Variants in ADGRL4 observed in about 807,000 individuals in gnomAD.
The protein encoded by ADGRL4 is EGF, latrophilin and seven transmembrane domain containing 1.
Under a neutral mutation model 74.8 loss-of-function variants are expected in ADGRL4, and 90 were observed. That is an observed-to-expected ratio of 1.20 (90% confidence interval 1.02 to 1.43). The LOEUF is 1.43. Among genes scored for constraint, ADGRL4 ranks in the 40% most tolerant of loss-of-function variants. ADGRL4 has a pLI of 0.00. For missense variants in ADGRL4, 881 were observed against 814.3 expected, an observed-to-expected ratio of 1.08 and a Z score of -1.00; for synonymous variants, 311 against 279.2, an observed-to-expected ratio of 1.11 and a Z score of -1.14.
At chr1:78,931,731 G>A (rs1649246497) in intron 7 of ADGRL4, among the ~76,000 whole-genome samples, 1 of 151,072 alleles carries the variant, frequency 6.6e-6, no homozygotes, top group Admixed American at 6.6e-5. Context: ...AAGGGATGGA[G>A]GAAAATTAAC....
At chr1:78,952,844 AT>A (rs1040048615) in intron 2 of ADGRL4, among the ~76,000 whole-genome samples, 2 of 152,120 alleles carry the variant, frequency 1.3e-5, no homozygotes, top group Non-Finnish European at 1.5e-5. Flanking sequence ...TCATTTCAAA[AT>A]TTTTTTGAAG....
intron 2 of ADGRL4, among the ~76,000 whole-genome samples, chr1:78,971,825 C>T (rs1650175505): frequency 6.6e-6 from 1 of 152,136 alleles, no homozygotes; most frequent in African/African-American, 2.4e-5. Context: ...GGTACGATCT[C>T]AGCCCACGGC....
At chr1:78,921,468 G>T (rs1276064369) in intron 9 of ADGRL4, 145 bp downstream of exon 9, 3 of 425,906 alleles carry the variant, frequency 7.0e-6, no homozygotes, top group Non-Finnish European at 1.2e-5. Flanking sequence ...CAGAAAGAAA[G>T]ATCCTGTTGG....
At chr1:78,992,578 C>T (rs779736952) in intron 2 of ADGRL4, among the ~76,000 whole-genome samples, 3 of 152,014 alleles carry the variant, frequency 2.0e-5, no homozygotes, top group Non-Finnish European at 4.4e-5. Flanking sequence ...TCCTAATACT[C>T]TCATTCTTAT....
intron 12 of ADGRL4, among the ~76,000 whole-genome samples, chr1:78,902,877 G>A (rs2100656302): frequency 6.6e-6 from 1 of 152,024 alleles, no homozygotes; most frequent in East Asian, 1.9e-4. Context: ...CTGTGGTCAA[G>A]GGATTAAAGA....
At chr1:78,930,446 GAT>G (rs1649214852) in intron 7 of ADGRL4, among the ~76,000 whole-genome samples, 1 of 106,702 alleles carries the variant, frequency 9.4e-6, no homozygotes, top group African/African-American at 3.7e-5. Flanking sequence ...AGGAAAAGCT[GAT>G]TTTTTTTTTT....
chr1:78,933,591 A>G (rs1398306644), intron 7 of ADGRL4, among the ~76,000 whole-genome samples: 1 of 151,420 alleles, frequency 6.6e-6, no homozygotes, highest in Non-Finnish European at 1.5e-5. Flanking sequence ...GCAATCAGGC[A>G]AGAGAAAGAA....
intron 2 of ADGRL4, among the ~76,000 whole-genome samples, chr1:79,003,570 G>A (rs1321034544): frequency 6.6e-6 from 1 of 151,888 alleles, no homozygotes; most frequent in Non-Finnish European, 1.5e-5. Flanking sequence ...GCAGCAGGGG[G>A]AAAACAACTG....
chr1:78,910,387 T>G (rs1648736485), intron 12 of ADGRL4, among the ~76,000 whole-genome samples: 1 of 151,804 alleles, frequency 6.6e-6, no homozygotes, highest in African/African-American at 2.4e-5. Flanking sequence ...TGGTCAGATT[T>G]GAAAAGAAGT....
rs764067136 is a variant in ADGRL4 at position 78,927,030 on chromosome 1, G to T, written c.939C>A (p.Asp313Glu). 6.2e-7 allele frequency: 1 copy of T among 1,609,686 alleles called. No individual in the cohort carries two copies. The highest frequency in any genetic ancestry group is 1.3e-5 in the African/African-American group (1 of 74,906). Reference sequence around the variant, plus strand: ...AATTTTGAGGTTTCAATAAGAAGTTGTCAGATGATGAAAGCAAAGGACCAA... The same window carrying T: ...AATTTTGAGGTTTCAATAAGAAGTTTTCAGATGATGAAAGCAAAGGACCAA... ...KSIGPLLSSS[D>E]NFLLKPQNYD... The change falls in exon 8 of 15, where the codon GAC (aspartate) becomes GAA (glutamate). Residue 313 changes from aspartate to glutamate, a missense_variant. Asp to Glu is a conservative substitution (Grantham distance 45). Coordinates refer to ENST00000370742, the MANE Select transcript of ADGRL4 (RefSeq NM_022159.4).
chr1:78,952,423 T>C (rs886263609), intron 2 of ADGRL4, among the ~76,000 whole-genome samples: 2 of 150,570 alleles, frequency 1.3e-5, no homozygotes, highest in Non-Finnish European at 3.0e-5. Context: ...ATCAGTACTA[T>C]AAGGAACTTT....
rs984805185 is a variant in ADGRL4, at chr1:78,891,017, C to G, written c.*137G>C. On this transcript the variant is annotated 3_prime_UTR_variant, in exon 15 of 15. Coordinates refer to ENST00000370742, the MANE Select transcript of ADGRL4 (RefSeq NM_022159.4). Reference sequence around the variant, plus strand: ...TTATCTACAGTTCCTATAGCATAAACAGAAAAACTGATTTAAAATACTTTT... The same window carrying G: ...TTATCTACAGTTCCTATAGCATAAAGAGAAAAACTGATTTAAAATACTTTT... 1 of 865,060 alleles carries G rather than the reference C, an allele frequency of 1.2e-6. No homozygotes were observed. The highest frequency in any genetic ancestry group is 2.6e-5 in the East Asian group (1 of 38,986). The allele number at this position is 865,060 out of a possible 1,614,324, so 53.6% of individuals were successfully genotyped here.
chr1:78,936,202 C>A, intron 7 of ADGRL4, 93 bp downstream of exon 7: 2 of 1,276,912 alleles, frequency 1.6e-6, no homozygotes, highest in South Asian at 1.4e-5. Context: ...TAGGAAACCA[C>A]ATGTTACATG....
At chr1:78,923,963 T>A (rs559952943) in intron 8 of ADGRL4, among the ~76,000 whole-genome samples, 1 of 151,946 alleles carries the variant, frequency 6.6e-6, no homozygotes, top group East Asian at 1.9e-4. Context: ...ATTTTCAGAC[T>A]GAAAAGACTC....
chr1:78,945,717 A>T (rs1444476648), intron 3 of ADGRL4, among the ~76,000 whole-genome samples: 1 of 152,142 alleles, frequency 6.6e-6, no homozygotes, highest in African/African-American at 2.4e-5. Flanking sequence ...CCTACAAAGG[A>T]CATTTTAGTG....
chr1:78,923,435 C>G (rs933943428), intron 8 of ADGRL4, among the ~76,000 whole-genome samples: 1 of 151,968 alleles, frequency 6.6e-6, no homozygotes, highest in Non-Finnish European at 1.5e-5. Flanking sequence ...TGGCCAGGAG[C>G]CTGCCTGATG....
At position 78,921,665 on chromosome 1, in the gene ADGRL4, C is replaced by T. The variant is rs201814841; in HGVS notation, c.1205G>A (p.Arg402His). 61 of 1,590,790 alleles carry T rather than the reference C, an allele frequency of 3.8e-5. No homozygotes were observed. Among genetic ancestry groups the T allele is most frequent in the African/African-American group, 2.0e-4 (15 of 73,212 alleles). The change falls in exon 9 of 15, where the codon CGC becomes CAC. Residue 402 changes from arginine (R) to histidine (H), a missense_variant. Transcript: ENST00000370742. ...TGCAAAATGTGTCAGGTGATTACAG[C>T]GGCATGAGGTGTGGGTCTCATTTGA... ...TYSNETHTSC[R>H]CNHLTHFAIL...
intron 3 of ADGRL4, among the ~76,000 whole-genome samples, chr1:78,942,230 C>T (rs1375242099): frequency 6.9e-6 from 1 of 145,404 alleles, no homozygotes; most frequent in African/African-American, 2.5e-5. Context: ...AGTTCTACCT[C>T]ATCAACAAAT....
intron 2 of ADGRL4, among the ~76,000 whole-genome samples, chr1:78,949,941 C>A (rs765731606): frequency 6.6e-6 from 1 of 152,080 alleles, no homozygotes; most frequent in Non-Finnish European, 1.5e-5. Context: ...ACCTCTGATA[C>A]GCTGAGTTAA....
Sources: gnomAD v4.1 joint callset for allele counts (sites outside exome capture counted in the v4.1 genomes callset) on GRCh38, gnomAD v4.1.1 for gene constraint, MANE v1.5 for transcripts, NCBI Gene and HGNC (gene_info 2026-07-23, HGNC 2026-07-21) for gene names.